TRPC4: variants seen among roughly 807,000 people sequenced by gnomAD.
TRPC4 encodes the protein short transient receptor potential channel 4.
Under a neutral mutation model 99.4 loss-of-function variants are expected in TRPC4, and 49 were observed. That is an observed-to-expected ratio of 0.49 (90% CI 0.39 to 0.63). The LOEUF is 0.63. Among genes scored for constraint, TRPC4 ranks in the 20% least tolerant of loss-of-function variants. The pLI is 0.00. For missense variants in TRPC4, 898 were observed against 1,152.9 expected (o/e 0.78, Z 3.20); for synonymous variants, 454 against 425.9 (o/e 1.07, Z -0.81).
intron 1 of TRPC4, among the ~76,000 whole-genome samples, chr13:37,849,805 C>T (rs1429090019): frequency 2.6e-5 from 4 of 152,158 alleles, no homozygotes; most frequent in Non-Finnish European, 5.9e-5. Context: ...TCATGGTCAT[C>T]GGTGTTGGGA....
intron 4 of TRPC4, among the ~76,000 whole-genome samples, chr13:37,677,836 G>A (rs1215638623): frequency 6.6e-6 from 1 of 152,056 alleles, no homozygotes; most frequent in African/African-American, 2.4e-5. Context: ...TTTCTTGCTC[G>A]TGCACATGGA....
chr13:37,835,030 G>A (rs913717063), intron 1 of TRPC4, among the ~76,000 whole-genome samples: 3 of 148,354 alleles, frequency 2.0e-5, no homozygotes, highest in Non-Finnish European at 3.0e-5. Context: ...CCACCAGCAG[G>A]CCCAGCCTGT....
Position 37,655,259 on chromosome 13 carries a change from C to G in TRPC4, c.1713G>C (p.Leu571=), listed in dbSNP as rs1409232668. Residue 571 remains leucine (L), a synonymous_variant, in exon 7 of 11, where the codon CTG becomes CTC. Transcript: ENST00000379705. The stretch of plus-strand genomic sequence containing the variant: ...TGATGAGCCCAAATATTGACCAAAA[C>G]AGGGACTGCAGTGTCTCAAATAACC... ...FSTLFETLQS[L]FWSIFGLINL... is the part of the protein sequence containing the mutation. 6.3e-7 allele frequency: 1 copy of G among 1,583,832 alleles called. No homozygotes were observed. Among genetic ancestry groups the G allele is most frequent in the Non-Finnish European group, 8.6e-7 (1 of 1,164,358 alleles).
At chr13:37,674,406 A>G (rs760123051) in intron 4 of TRPC4, 39 bp from the exon 5 acceptor site, 63 of 1,580,860 alleles carry the variant, frequency 4.0e-5, no homozygotes, top group Admixed American at 1.4e-4. Context: ...TATGATTTCA[A>G]TAGAATCACT....
At chr13:37,804,272 G>A (rs925001851) in intron 1 of TRPC4, among the ~76,000 whole-genome samples, 1 of 152,012 alleles carries the variant, frequency 6.6e-6, no homozygotes, top group Non-Finnish European at 1.5e-5. Context: ...AGCTCCAGGA[G>A]GACATAACAT....
At chr13:37,782,065 G>A (rs559140911) in intron 2 of TRPC4, among the ~76,000 whole-genome samples, 129 of 152,174 alleles carry the variant, frequency 8.5e-4, no homozygotes, top group African/African-American at 3.0e-3. Context: ...TTGAACCGCT[G>A]CAGAATCTGC....
At chr13:37,690,417 C>T (rs1044725135) in intron 4 of TRPC4, among the ~76,000 whole-genome samples, 1 of 152,176 alleles carries the variant, frequency 6.6e-6, no homozygotes, top group African/African-American at 2.4e-5. Context: ...CAGGCTCAAA[C>T]TATTCTCCTG....
At chr13:37,703,723 A>G (rs756311897) in intron 3 of TRPC4, among the ~76,000 whole-genome samples, 3 of 152,208 alleles carry the variant, frequency 2.0e-5, no homozygotes, top group Non-Finnish European at 2.9e-5. Flanking sequence ...AAACTTTCAT[A>G]CATTGAACAA....
chr13:37,763,203 G>A (rs1015471726), intron 2 of TRPC4, among the ~76,000 whole-genome samples: 109 of 151,462 alleles, frequency 7.2e-4, no homozygotes, highest in African/African-American at 2.6e-3. Context: ...CTGACATTTC[G>A]AAATTTAGAG....
chr13:37,657,075 A>G (rs1952262707), intron 6 of TRPC4, among the ~76,000 whole-genome samples: 1 of 152,236 alleles, frequency 6.6e-6, no homozygotes, highest in South Asian at 2.1e-4. Context: ...TTCAGGATGG[A>G]AATTGCTTTT....
At chr13:37,670,483 G>C (rs866110061) in intron 5 of TRPC4, among the ~76,000 whole-genome samples, 8 of 152,242 alleles carry the variant, frequency 5.3e-5, no homozygotes, top group South Asian at 4.1e-4. Flanking sequence ...CATAACACCG[G>C]TAATCCCGTC....
chr13:37,839,927 T>C (rs1958687142), intron 1 of TRPC4, among the ~76,000 whole-genome samples: 1 of 152,190 alleles, frequency 6.6e-6, no homozygotes, highest in Non-Finnish European at 1.5e-5. Context: ...CCTCCTGCCA[T>C]AATTTACTGT....
chr13:37,738,640 G>A (rs1268371534), intron 3 of TRPC4, among the ~76,000 whole-genome samples: 1 of 152,098 alleles, frequency 6.6e-6, no homozygotes, highest in Non-Finnish European at 1.5e-5. Context: ...ATTCTAATAT[G>A]ATCCAGATAA....
chr13:37,780,273 TA>T (rs1483238617), intron 2 of TRPC4, among the ~76,000 whole-genome samples: 1 of 152,144 alleles, frequency 6.6e-6, no homozygotes, highest in African/African-American at 2.4e-5. Flanking sequence ...TTCTCACATT[TA>T]AAAACTACTA....
intron 3 of TRPC4, among the ~76,000 whole-genome samples, chr13:37,727,635 A>T (rs146175555): frequency 4.2e-4 from 64 of 152,212 alleles, no homozygotes; most frequent in African/African-American, 1.2e-3. Flanking sequence ...CTTCAAAATG[A>T]TCAATAAAAT....
At chr13:37,750,094 T>C (rs1268754641) in intron 2 of TRPC4, among the ~76,000 whole-genome samples, 5 of 152,144 alleles carry the variant, frequency 3.3e-5, no homozygotes, top group African/African-American at 1.2e-4. Flanking sequence ...TCACAAAATA[T>C]GTACTCTTTA....
chr13:37,746,301 C>T lies in TRPC4; in HGVS notation c.533G>A (p.Cys178Tyr). Residue 178 changes from cysteine (C) to tyrosine (Y), a missense_variant, in exon 3 of 11, where the codon TGT becomes TAT. Cys to Tyr is a radical substitution (Grantham distance 194). Around this residue, in one of 3 missense-constraint regions of TRPC4, gnomAD observed 278 missense variants for 346.6 expected, o/e 0.80. Transcript: ENST00000379705. The part of the protein sequence containing the change: ...VPRPHEVRCN[C>Y]VECVSSSDVD... ...ATCTGAACTGGACACGCATTCCACACAGTTACAGCGGACCTCGTGGGGTCG... is the reference window on the plus strand; with the variant it reads ...ATCTGAACTGGACACGCATTCCACATAGTTACAGCGGACCTCGTGGGGTCG... The T allele has an allele frequency of 6.2e-7, 1 of 1,613,826 alleles. No homozygotes were observed. The highest frequency in any genetic ancestry group is 8.5e-7 in the Non-Finnish European group (1 of 1,179,866).
At chr13:37,767,340 A>G (rs1956404498) in intron 2 of TRPC4, among the ~76,000 whole-genome samples, 1 of 392 alleles carries the variant, frequency 2.6e-3, no homozygotes, top group South Asian at 0.25. Context: ...GATTCAGCAT[A>G]TATATATATA....
intron 1 of TRPC4, among the ~76,000 whole-genome samples, chr13:37,847,942 T>C (rs1014166437): frequency 1.2e-4 from 18 of 152,184 alleles, no homozygotes; most frequent in African/African-American, 4.3e-4. Context: ...AGATAGGAGA[T>C]AAGGTTTTGG....
Sources: allele counts gnomAD v4.1 joint callset (sites outside exome capture counted in the v4.1 genomes callset), GRCh38; gene constraint gnomAD v4.1.1; regional missense constraint gnomAD v4.1.1; transcripts MANE v1.5; gene names NCBI Gene and HGNC (gene_info 2026-07-23, HGNC 2026-07-21).